The following CSGALNACT1 variants were observed in gnomAD, a reference collection of about 807,000 sequenced individuals.
The protein encoded by CSGALNACT1 is beta4GalNAcT-1.
A neutral mutation model predicts 51.0 loss-of-function variants in CSGALNACT1; 52 were observed. That is an observed-to-expected ratio of 1.02 (90% CI 0.82 to 1.29). The LOEUF (loss-of-function observed/expected upper bound fraction) is 1.29. Ranked by LOEUF, CSGALNACT1 falls within the 50% of genes most tolerant of loss-of-function variation. CSGALNACT1 has a pLI of 0.00. For synonymous variants in CSGALNACT1, 341 were observed against 254.4 expected (o/e 1.34, Z -3.24); for missense variants, 935 against 679.2 (o/e 1.38, Z -4.19).
At chr8:19,690,776 T>A (rs1248613889) in intron 1 of CSGALNACT1, among the ~76,000 whole-genome samples, 1 of 152,236 alleles carries the variant, frequency 6.6e-6, no homozygotes, top group Non-Finnish European at 1.5e-5. Flanking sequence ...CCTGCAAGCC[T>A]AGGTCTTCCT....
At chr8:19,475,248 G>C (rs565256121) in intron 4 of CSGALNACT1, among the ~76,000 whole-genome samples, 1 of 152,152 alleles carries the variant, frequency 6.6e-6, no homozygotes, top group Non-Finnish European at 1.5e-5. Flanking sequence ...AGAAAGTCTG[G>C]GAAATAGACC....
intron 5 of CSGALNACT1, among the ~76,000 whole-genome samples, chr8:19,444,218 C>T (rs368883415): frequency 6.6e-6 from 1 of 152,172 alleles, no homozygotes; most frequent in Admixed American, 6.5e-5. Flanking sequence ...CTCTTGTAGA[C>T]TTTAAATCAT....
rs78487316 is a variant in CSGALNACT1, at chr8:19,436,070, T to C, written c.953+3760A>G. On this transcript the variant is annotated intron_variant, in intron 6 of 9. Transcript: ENST00000454498. Reference sequence around the variant, plus strand: ...CTGGTGTTTGCAGAACACTGATCTATAGCAATCAACTGAAATGTAAAGCTC... The same window carrying C: ...CTGGTGTTTGCAGAACACTGATCTACAGCAATCAACTGAAATGTAAAGCTC... Among the ~76,000 whole-genome samples the C allele has an allele frequency of 7.9e-5, 12 of 152,324 alleles. No homozygotes were observed. The East Asian group carries it at 1.2e-3, about 15-fold the overall frequency.
intron 5 of CSGALNACT1, among the ~76,000 whole-genome samples, chr8:19,448,502 C>A (rs1217116981): frequency 6.6e-6 from 1 of 152,024 alleles, no homozygotes; most frequent in East Asian, 1.9e-4. Context: ...AAGAAACAGA[C>A]AACTAAAGAG....
At chr8:19,460,736 C>G (rs1023365247) in intron 4 of CSGALNACT1, among the ~76,000 whole-genome samples, 1 of 152,136 alleles carries the variant, frequency 6.6e-6, no homozygotes, top group African/African-American at 2.4e-5. Flanking sequence ...TCTCACAAAC[C>G]CCTCCTTTTT....
At chr8:19,443,343 C>T (rs911039426) in intron 5 of CSGALNACT1, among the ~76,000 whole-genome samples, 3 of 152,170 alleles carry the variant, frequency 2.0e-5, no homozygotes, top group Non-Finnish European at 4.4e-5. Flanking sequence ...TGTTTATGTA[C>T]ACATATATGC....
At chr8:19,467,345 T>C (rs1352856855) in intron 4 of CSGALNACT1, among the ~76,000 whole-genome samples, 1 of 151,982 alleles carries the variant, frequency 6.6e-6, no homozygotes, top group East Asian at 1.9e-4. Context: ...ATGGTCTCCA[T>C]CTCCGGACCT....
rs145604282 is a variant in CSGALNACT1, at chr8:19,598,089, A to C, written c.-416+3682T>G. ...GAAGGCACTGCAGATATGGGACAGC[A>C]GAATAAGACATGGAGGAGAGAAGGT... On this transcript the variant is annotated intron_variant, in intron 2 of 9. Transcript: ENST00000454498. Among the ~76,000 whole-genome samples the C allele has an allele frequency of 9.3e-3, 1,410 of 152,320 alleles. 26 individuals carry two copies. Among genetic ancestry groups the C allele is most frequent in the African/African-American group, 0.032 (1,316 of 41,562 alleles).
intron 1 of CSGALNACT1, among the ~76,000 whole-genome samples, chr8:19,618,629 C>CAAAAAAAAAAAAAAAAAAAA (rs60787326): frequency 2.5e-4 from 16 of 64,048 alleles, no homozygotes; most frequent in East Asian, 6.0e-4. Flanking sequence ...AATACTCCAT[C>CAAAAAAAAAAAAAAAAAAAA]AAAAAAAAAA....
intron 3 of CSGALNACT1, among the ~76,000 whole-genome samples, chr8:19,524,617 A>G (rs1191173120): frequency 6.6e-6 from 1 of 152,148 alleles, no homozygotes; most frequent in African/African-American, 2.4e-5. Context: ...ATGAGTCTCA[A>G]GATTGATATA....
In CSGALNACT1 at chr8:19,696,021, A is replaced by ACAAG. The variant is rs1564439805; in HGVS notation, c.-297+61828_-297+61829insCTTG. The stretch of plus-strand genomic sequence containing the variant: ...AACACTCTGAATATAAATTTTTAAA[A>ACAAG]ACTTTAAAGACCCAAGACCAGTAGC... On this transcript the variant is annotated intron_variant, in intron 1 of 1. Transcript: ENST00000517494. Among the ~76,000 whole-genome samples the ACAAG allele has an allele frequency of 7.9e-5, 12 of 152,200 alleles. No homozygotes were observed. The East Asian group carries it at 2.3e-3, about 29-fold the overall frequency.
chr8:19,634,646 AGT>A (rs1212696706), intron 1 of CSGALNACT1, among the ~76,000 whole-genome samples: 1 of 152,168 alleles, frequency 6.6e-6, no homozygotes, highest in Non-Finnish European at 1.5e-5. Context: ...TGGGCAACAG[AGT>A]GAGACCTGTC....
At chr8:19,690,407 C>G (rs57663769) in intron 1 of CSGALNACT1, among the ~76,000 whole-genome samples, 5 of 152,030 alleles carry the variant, frequency 3.3e-5, no homozygotes, top group Admixed American at 2.0e-4. Flanking sequence ...TGGGCCTTAA[C>G]ATTCTGTTTC....
chr8:19,664,212 G>C (rs2058996451), intron 1 of CSGALNACT1, among the ~76,000 whole-genome samples: 4 of 152,142 alleles, frequency 2.6e-5, no homozygotes. Flanking sequence ...ATCTAGGAAT[G>C]GAATTGAGAC....
At chr8:19,524,284 T>C (rs1189206469) in intron 3 of CSGALNACT1, among the ~76,000 whole-genome samples, 1 of 152,184 alleles carries the variant, frequency 6.6e-6, no homozygotes, top group African/African-American at 2.4e-5. Flanking sequence ...AGATCCTGTC[T>C]CTGAAAAAAC....
intron 4 of CSGALNACT1, among the ~76,000 whole-genome samples, chr8:19,488,564 C>A (rs555804737): frequency 6.6e-6 from 1 of 151,734 alleles, no homozygotes; most frequent in South Asian, 2.1e-4. Context: ...CAGAGAAAAT[C>A]AACTGCTATT....
intron 5 of CSGALNACT1, chr8:19,457,442 G>A (rs1007816749): frequency 4.4e-5 from 16 of 361,382 alleles, no homozygotes; most frequent in Non-Finnish European, 7.6e-5. Context: ...GCGAAACCCG[G>A]TCTCTACTAA....
intron 1 of CSGALNACT1, among the ~76,000 whole-genome samples, chr8:19,622,954 T>C (rs1016235717): frequency 3.3e-5 from 5 of 152,168 alleles, no homozygotes; most frequent in Non-Finnish European, 7.4e-5. Flanking sequence ...AATTGAAGTA[T>C]GCTGCTTAGA....
chr8:19,499,021 G>A (rs1468001455), intron 4 of CSGALNACT1, among the ~76,000 whole-genome samples: 3 of 152,124 alleles, frequency 2.0e-5, no homozygotes, highest in African/African-American at 7.2e-5. Flanking sequence ...AAGCCGAGGT[G>A]GAGGAATCAC....
Sources: allele counts gnomAD v4.1 joint callset (sites outside exome capture counted in the v4.1 genomes callset), GRCh38; gene constraint gnomAD v4.1.1; transcripts MANE v1.5; gene names NCBI Gene and HGNC (gene_info 2026-07-23, HGNC 2026-07-21).